Variants in TRIP12 observed in about 807,000 individuals in gnomAD.
The protein encoded by TRIP12 is thyroid hormone receptor interactor 12, also known as E3 ubiquitin-protein ligase TRIP12.
TRIP12 carries 25 observed loss-of-function variants against 244.2 expected under a neutral mutation model. The observed-to-expected ratio is 0.10, with a 90% confidence interval of 0.07 to 0.14. TRIP12 has a LOEUF of 0.14. Among genes scored for constraint, TRIP12 ranks in the 10% least tolerant of loss-of-function variants. The probability of loss-of-function intolerance (pLI) is 1.00; values close to 1 mark genes in which losing one functional copy is unlikely to be tolerated. For synonymous variants in TRIP12, 905 were observed against 873.1 expected (o/e 1.04, Z -0.64); for missense variants, 1,677 against 2,486.4 (o/e 0.67, Z 6.92).
intron 34 of TRIP12, among the ~76,000 whole-genome samples, chr2:229,781,805 T>A (rs1020401297): frequency 1.3e-5 from 2 of 152,184 alleles, no homozygotes; most frequent in African/African-American, 4.8e-5. Flanking sequence ...TGAAGCCCTA[T>A]GCATCTCACA....
intron 1 of TRIP12, among the ~76,000 whole-genome samples, chr2:229,903,925 C>T (rs1353887262): frequency 6.6e-6 from 1 of 151,256 alleles, no homozygotes; most frequent in African/African-American, 2.4e-5. Flanking sequence ...GTCTGATCTA[C>T]TCAGGAGGGC....
In TRIP12 at chr2:229,764,700, T is replaced by C. The variant is rs781213608; in HGVS notation, c.*2854A>G. 2 of 152,242 alleles carry C rather than the reference T, an allele frequency of 1.3e-5. No homozygotes were observed. The highest frequency in any genetic ancestry group is 6.5e-5 in the Admixed American group (1 of 15,286). The allele number at this position is 152,242 out of a possible 1,614,324, so 9.4% of individuals were successfully genotyped here. A position where few individuals can be genotyped will look rare whatever the true frequency, so the allele number is the denominator to read the frequency against. On this transcript the variant is annotated 3_prime_UTR_variant, in exon 42 of 42. Transcript: ENST00000675903. ...ATTTCTTGGATACTGAAGTTGGTGCTCTGTCCCTTGGCCTTCTGTGGTAGG... is the reference window on the plus strand; with the variant it reads ...ATTTCTTGGATACTGAAGTTGGTGCCCTGTCCCTTGGCCTTCTGTGGTAGG...
chr2:229,878,725 C>T (rs1039494674), intron 2 of TRIP12, among the ~76,000 whole-genome samples: 11 of 151,448 alleles, frequency 7.3e-5, no homozygotes, highest in African/African-American at 2.2e-4. Flanking sequence ...GGACTACAGG[C>T]GCCCACCACC....
chr2:229,879,496 T>C (rs921542487), intron 2 of TRIP12, among the ~76,000 whole-genome samples: 2 of 152,158 alleles, frequency 1.3e-5, no homozygotes, highest in African/African-American at 4.8e-5. Context: ...ATAAGACAAC[T>C]CGTTCACTAA....
At chr2:229,895,854 T>G (rs1318133046) in intron 1 of TRIP12, among the ~76,000 whole-genome samples, 2 of 151,938 alleles carry the variant, frequency 1.3e-5, no homozygotes, top group Non-Finnish European at 2.9e-5. Flanking sequence ...CATGTCATAA[T>G]TCAAAAACAA....
chr2:229,826,690 G>A (rs533616258), intron 8 of TRIP12, among the ~76,000 whole-genome samples: 2 of 152,226 alleles, frequency 1.3e-5, no homozygotes, highest in South Asian at 4.1e-4. Flanking sequence ...ATTGCTCCTA[G>A]GCTAGAAACC....
At chr2:229,791,080 T>A (rs754247362) in intron 30 of TRIP12, 44 bp downstream of exon 30, 4 of 1,605,614 alleles carry the variant, frequency 2.5e-6, no homozygotes, top group Non-Finnish European at 2.6e-6. Context: ...AATGGGAAGA[T>A]TGCCCAGTTG....
intron 2 of TRIP12, among the ~76,000 whole-genome samples, chr2:229,873,755 T>G (rs1015275910): frequency 6.6e-6 from 1 of 152,118 alleles, no homozygotes; most frequent in Admixed American, 6.5e-5. Context: ...AGAAAAATAA[T>G]AAATAGAAGG....
chr2:229,813,395 C>A (rs28460703), intron 13 of TRIP12, among the ~76,000 whole-genome samples: 2,432 of 152,152 alleles, frequency 0.016, 62 homozygotes, highest in African/African-American at 0.056. Context: ...TATAAAATAA[C>A]CTAATATGGC....
At chr2:229,904,010 T>C (rs554915120) in intron 1 of TRIP12, among the ~76,000 whole-genome samples, 3 of 152,136 alleles carry the variant, frequency 2.0e-5, no homozygotes, top group Non-Finnish European at 4.4e-5. Flanking sequence ...CACTCCCGCC[T>C]GGGCAACTGA....
rs142045437 is a variant in TRIP12, at chr2:229,819,085, C to CA, written c.1451-574dup. 1.6e-3 allele frequency among the ~76,000 whole-genome samples: 175 copies of CA among 109,678 alleles called. 1 individual carries two copies. Among genetic ancestry groups the CA allele is most frequent in the South Asian group, 8.3e-3 (25 of 3,018 alleles). 72.0% of individuals were successfully genotyped at this position (109,678 alleles called of 152,430 possible). A position where few individuals can be genotyped will look rare whatever the true frequency, so the allele number is the denominator to read the frequency against. ...ACACACACACACACACACACACACA[C>CA]AATTATAAACCCTTGCATCCTCTTT... On this transcript the variant is annotated intron_variant, in intron 8 of 41. Coordinates refer to ENST00000675903, the MANE Select transcript of TRIP12 (RefSeq NM_001348323.3).
At chr2:229,796,816 T>C in intron 24 of TRIP12, 34 bp from the exon 25 acceptor site, 8 of 1,514,280 alleles carry the variant, frequency 5.3e-6, no homozygotes, top group Non-Finnish European at 7.1e-6. Flanking sequence ...TCTATATTGA[T>C]TTAAGCAGCA....
At position 229,814,347 on chromosome 2, in the gene TRIP12, C is replaced by G. The variant is rs1472955426; in HGVS notation, c.1732-22G>C. 5.6e-6 allele frequency: 9 copies of G among 1,606,526 alleles called. No homozygotes were observed. The Admixed American group carries it at 8.4e-5, about 15-fold the overall frequency. ...GCAGCTGGGAACATATATATAGTTA[C>G]CATAAGGTTATCATTTAAGTTCTTT... On this transcript the variant is annotated intron_variant, in intron 11 of 41. Coordinates refer to ENST00000675903, the MANE Select transcript of TRIP12 (RefSeq NM_001348323.3).
Position 229,799,370 on chromosome 2 carries a change from C to G in TRIP12, c.3220G>C (p.Val1074Leu). 1.2e-6 allele frequency: 2 copies of G among 1,612,170 alleles called. No homozygotes were observed. The highest frequency in any genetic ancestry group is 1.7e-6 in the Non-Finnish European group (2 of 1,178,790). ...DLSPQGRLSD[V>L]LKRKRLPKRG... Reference sequence around the variant, plus strand: ...TTTGGCAGTCGTTTTCTCTTTAGAACATCACTTAATCGACTGTCCATGGGA... The same window carrying G: ...TTTGGCAGTCGTTTTCTCTTTAGAAGATCACTTAATCGACTGTCCATGGGA... The change falls in exon 22 of 42, where the codon GTT (valine) becomes CTT (leucine). Residue 1074 changes from valine (V) to leucine (L), a missense_variant. By Grantham distance (32) the Val-to-Leu change is conservative. This residue lies in a region of TRIP12 where 572 missense variants were observed against 867.8 expected (regional missense o/e 0.66). Coordinates refer to ENST00000675903, the MANE Select transcript of TRIP12 (RefSeq NM_001348323.3).
chr2:229,907,937 T>C, intron 1 of TRIP12, among the ~76,000 whole-genome samples: 1 of 152,106 alleles, frequency 6.6e-6, no homozygotes, highest in South Asian at 2.1e-4. Flanking sequence ...ATACTATTTT[T>C]ACTTCCATTT....
chr2:229,780,240 G>A lies in TRIP12; in HGVS notation c.5095-1250C>T, dbSNP rs917200419. 3.3e-5 allele frequency among the ~76,000 whole-genome samples: 5 copies of A among 152,086 alleles called. No homozygotes were observed. The East Asian group carries it at 7.7e-4, about 23-fold the overall frequency. ...ATAATCCCACCAAATCCTTAGAGCC[G>A]TCCTTGGCCATTCTTTAAACTCGCA... On this transcript the variant is annotated intron_variant, in intron 34 of 41. Coordinates refer to ENST00000675903, the MANE Select transcript of TRIP12 (RefSeq NM_001348323.3).
chr2:229,772,531 C>T (rs571053109), intron 38 of TRIP12, among the ~76,000 whole-genome samples: 132 of 152,176 alleles, frequency 8.7e-4, no homozygotes, highest in South Asian at 1.7e-3. Flanking sequence ...TGGCATGATC[C>T]TGACTCACTG....
At position 229,804,237 on chromosome 2, in the gene TRIP12, T is replaced by TA. The variant is rs761008467; in HGVS notation, c.2651-11dup. The TA allele has an allele frequency of 9.1e-4, 1,296 of 1,423,782 alleles. No homozygotes were observed. The highest frequency in any genetic ancestry group is 1.0e-3 in the Non-Finnish European group (1,037 of 1,035,536). 88.2% of individuals were successfully genotyped at this position (1,423,782 alleles called of 1,614,324 possible). ...GACTCTGAATATCCACCTATTACATTAAAAAAAAATATATGTGCAATCCTG... is the reference window on the plus strand; with the variant it reads ...GACTCTGAATATCCACCTATTACATTAAAAAAAAAATATATGTGCAATCCTG... On this transcript the variant is annotated splice_polypyrimidine_tract_variant and intron_variant, in intron 18 of 41. Coordinates refer to ENST00000675903, the MANE Select transcript of TRIP12 (RefSeq NM_001348323.3).
At position 229,902,742 on chromosome 2, in the gene TRIP12, T is replaced by C. The variant is rs149040943; in HGVS notation, c.-50+19138A>G. ...GAGCTTCAGACTGCTAAAGAATCTA[T>C]GCTTCAAAAAAGGTTCAGGGCATCC... On this transcript the variant is annotated intron_variant, in intron 1 of 41. Transcript: ENST00000675903. Among the ~76,000 whole-genome samples, 84 of 152,304 alleles carry C rather than the reference T, an allele frequency of 5.5e-4. 1 individual carries two copies. The highest frequency in any genetic ancestry group is 2.0e-3 in the African/African-American group (84 of 41,576).
Sources: allele counts gnomAD v4.1 joint callset (sites outside exome capture counted in the v4.1 genomes callset), GRCh38; gene constraint gnomAD v4.1.1; regional missense constraint gnomAD v4.1.1; transcripts MANE v1.5; gene names NCBI Gene and HGNC (gene_info 2026-07-23, HGNC 2026-07-21).